ERC2: variants seen among roughly 807,000 people sequenced by gnomAD.
The protein encoded by ERC2 is ELKS/RAB6-interacting/CAST family member 2, also known as ERC protein 2.
ERC2 carries 42 observed loss-of-function variants against 114.8 expected under a neutral mutation model. The observed-to-expected ratio is 0.37, with a 90% CI of 0.29 to 0.47. The LOEUF (loss-of-function observed/expected upper bound fraction) is 0.47. ERC2 is among the 20% of genes least tolerant of loss of function. The pLI is 0.99. For missense variants in ERC2, 939 were observed against 1,150.7 expected (o/e 0.82, Z 2.66); for synonymous variants, 454 against 425.5 (o/e 1.07, Z -0.82).
intron 14 of ERC2, among the ~76,000 whole-genome samples, chr3:55,786,367 C>T (rs1262878704): frequency 2.0e-5 from 3 of 152,208 alleles, no homozygotes; most frequent in Non-Finnish European, 4.4e-5. Context: ...CCATTGAGCT[C>T]ATTACAGAGG....
Position 56,296,550 on chromosome 3 carries a change from C to G in ERC2, c.658-115G>C, listed in dbSNP as rs555007601. 4 of 1,140,196 alleles carry G rather than the reference C, an allele frequency of 3.5e-6. No homozygotes were observed. The African/African-American group carries it at 4.7e-5, about 13-fold the overall frequency. 70.6% of individuals were successfully genotyped at this position (1,140,196 alleles called of 1,614,324 possible). Reference sequence around the variant, plus strand: ...AAGATGGAATGTTAATCATGAGGTCCGGAGGGCCAGCCATGAATTCCTCCA... The same window carrying G: ...AAGATGGAATGTTAATCATGAGGTCGGGAGGGCCAGCCATGAATTCCTCCA... On this transcript the variant is annotated intron_variant, in intron 2 of 17. Coordinates refer to ENST00000288221, the MANE Select transcript of ERC2 (RefSeq NM_015576.3).
chr3:56,285,617 A>G (rs2054647525), intron 3 of ERC2, among the ~76,000 whole-genome samples: 1 of 152,194 alleles, frequency 6.6e-6, no homozygotes, highest in Non-Finnish European at 1.5e-5. Flanking sequence ...GAAGAAGGGC[A>G]GAGAGTGATA....
rs1177400556 is a variant in ERC2, at chr3:55,735,001, A to G, written c.2565-83T>C. 11 of 1,359,774 alleles carry G rather than the reference A, an allele frequency of 8.1e-6. No individual in the cohort carries two copies. The Admixed American group carries it at 1.9e-4, about 23-fold the overall frequency. 84.2% of individuals were successfully genotyped at this position (1,359,774 alleles called of 1,614,324 possible). ...TTGGCATTTATAGTTGAAATGAACC[A>G]CAGAGTATTGTCTCAATGGAAAGAA... is the stretch of plus-strand genomic sequence containing the variant. On this transcript the variant is annotated intron_variant, in intron 14 of 17. Coordinates refer to ENST00000288221, the MANE Select transcript of ERC2 (RefSeq NM_015576.3).
chr3:56,025,670 A>C (rs896085982), intron 7 of ERC2, among the ~76,000 whole-genome samples: 3 of 152,180 alleles, frequency 2.0e-5, no homozygotes, highest in Non-Finnish European at 4.4e-5. Context: ...TCATGTGATT[A>C]GGTAGGGCCA....
At chr3:56,083,460 G>A (rs1187196882) in intron 6 of ERC2, among the ~76,000 whole-genome samples, 6 of 152,168 alleles carry the variant, frequency 3.9e-5, no homozygotes, top group African/African-American at 1.2e-4. Flanking sequence ...ATTGATTAGG[G>A]AGAGTGGAGA....
intron 13 of ERC2, among the ~76,000 whole-genome samples, chr3:55,908,973 T>C (rs113332081): frequency 0.012 from 1,902 of 152,326 alleles, 39 homozygotes; most frequent in African/African-American, 0.042. Context: ...TGCATCTTCA[T>C]TGAATACCCA....
At chr3:55,595,570 G>T (rs1000832743) in intron 17 of ERC2, among the ~76,000 whole-genome samples, 2 of 152,204 alleles carry the variant, frequency 1.3e-5, no homozygotes, top group Non-Finnish European at 2.9e-5. Flanking sequence ...CATAGGCAGC[G>T]CATTAAGGCT....
chr3:56,378,936 A>G (rs2059648436), intron 2 of ERC2, among the ~76,000 whole-genome samples: 1 of 152,170 alleles, frequency 6.6e-6, no homozygotes, highest in African/African-American at 2.4e-5. Flanking sequence ...GCAATTTTAT[A>G]TTTTCTAGTA....
chr3:55,729,960 C>T (rs11130479), intron 15 of ERC2, among the ~76,000 whole-genome samples: 34,464 of 150,314 alleles, frequency 0.23, 4,550 homozygotes, highest in African/African-American at 0.33. Flanking sequence ...TCAATGAATA[C>T]TCGTTAAGTT....
At chr3:55,907,213 T>C (rs769485397) in intron 13 of ERC2, among the ~76,000 whole-genome samples, 3 of 152,162 alleles carry the variant, frequency 2.0e-5, no homozygotes, top group South Asian at 2.1e-4. Context: ...AGCTTTTATA[T>C]GGTAAAGTGG....
chr3:55,706,916 G>T (rs1475437102), intron 15 of ERC2, among the ~76,000 whole-genome samples: 1 of 152,104 alleles, frequency 6.6e-6, no homozygotes, highest in Admixed American at 6.5e-5. Flanking sequence ...CACTAATTCA[G>T]TTTCGGCCAA....
chr3:56,331,182 A>G (rs1325418767), intron 2 of ERC2, among the ~76,000 whole-genome samples: 2 of 152,144 alleles, frequency 1.3e-5, no homozygotes, highest in Non-Finnish European at 2.9e-5. Context: ...CAAGAATCTC[A>G]CAAAGTCAGT....
chr3:56,376,186 T>C (rs564394671), intron 2 of ERC2, among the ~76,000 whole-genome samples: 3 of 152,286 alleles, frequency 2.0e-5, no homozygotes, highest in South Asian at 4.1e-4. Flanking sequence ...ATAAATATTG[T>C]TGTTTAAAGT....
At chr3:56,137,627 G>A (rs2080586782) in intron 6 of ERC2, among the ~76,000 whole-genome samples, 1 of 152,204 alleles carries the variant, frequency 6.6e-6, no homozygotes, top group Admixed American at 6.5e-5. Flanking sequence ...TAGATGAATG[G>A]GTATGGCTGT....
intron 14 of ERC2, among the ~76,000 whole-genome samples, chr3:55,787,670 TCTCTCCA>T (rs2069624901): frequency 6.6e-6 from 1 of 152,174 alleles, no homozygotes; most frequent in South Asian, 2.1e-4. Flanking sequence ...GAAGCATTCT[TCTCTCCA>T]GTAAATCTAC....
At chr3:56,214,482 A>G (rs1425241376) in intron 3 of ERC2, among the ~76,000 whole-genome samples, 1 of 152,214 alleles carries the variant, frequency 6.6e-6, no homozygotes, top group Non-Finnish European at 1.5e-5. Context: ...TCCAAGAACT[A>G]TGGGACTATG....
At chr3:55,893,656 A>G (rs2149330158) in intron 13 of ERC2, among the ~76,000 whole-genome samples, 1 of 152,256 alleles carries the variant, frequency 6.6e-6, no homozygotes, top group Middle Eastern at 3.4e-3. Flanking sequence ...TTCCTGTTTA[A>G]GACCTCAGAG....
intron 2 of ERC2, among the ~76,000 whole-genome samples, chr3:56,335,914 A>C (rs1335353015): frequency 6.6e-6 from 1 of 152,214 alleles, no homozygotes; most frequent in Admixed American, 6.5e-5. Flanking sequence ...CAGGAAGCTT[A>C]TGGTCTACAA....
At chr3:55,909,268 G>A (rs1176529539) in intron 13 of ERC2, among the ~76,000 whole-genome samples, 2 of 152,170 alleles carry the variant, frequency 1.3e-5, no homozygotes, top group African/African-American at 4.8e-5. Context: ...ACTCAACTGG[G>A]AACATTCCTT....
Sources: gnomAD v4.1 joint callset for allele counts (sites outside exome capture counted in the v4.1 genomes callset) on GRCh38, gnomAD v4.1.1 for gene constraint, MANE v1.5 for transcripts, NCBI Gene and HGNC (gene_info 2026-07-23, HGNC 2026-07-21) for gene names.